Variants in ANKRD44 observed in about 807,000 individuals in gnomAD.
ANKRD44 encodes the protein serine/threonine-protein phosphatase 6 regulatory ankyrin repeat subunit B.
ANKRD44 carries 35 observed loss-of-function variants against 116.0 expected under a neutral mutation model. The observed-to-expected ratio is 0.30, with a 90% confidence interval of 0.23 to 0.40. The LOEUF is 0.40. ANKRD44 is among the 10% of genes least tolerant of loss of function. The pLI, the probability that ANKRD44 is intolerant of heterozygous loss-of-function variation, is 1.00. For missense variants in ANKRD44, 1,014 were observed against 1,242.6 expected (o/e 0.82, Z 2.77); for synonymous variants, 435 against 461.8 (o/e 0.94, Z 0.74).
chr2:197,183,777 A>G (rs951879798), intron 2 of ANKRD44, among the ~76,000 whole-genome samples: 10 of 152,060 alleles, frequency 6.6e-5, no homozygotes, highest in African/African-American at 2.4e-4. Context: ...TTCTTTATCC[A>G]TTCATTCATT....
At chr2:197,225,080 C>T (rs1011677732) in intron 1 of ANKRD44, among the ~76,000 whole-genome samples, 1 of 151,996 alleles carries the variant, frequency 6.6e-6, no homozygotes, top group Non-Finnish European at 1.5e-5. Context: ...AGGGAGATGA[C>T]CTTGAGCTTT....
chr2:197,081,482 T>G (rs1225768301), intron 15 of ANKRD44, among the ~76,000 whole-genome samples, 163 bp downstream of exon 15: 2 of 152,184 alleles, frequency 1.3e-5, no homozygotes, highest in East Asian at 3.8e-4. Context: ...AATTGAAGGC[T>G]GTATTAAAAG....
At chr2:197,269,636 G>A (rs1559203965) in intron 1 of ANKRD44, among the ~76,000 whole-genome samples, 1 of 152,142 alleles carries the variant, frequency 6.6e-6, no homozygotes, top group Non-Finnish European at 1.5e-5. Flanking sequence ...GGCTCTTGGT[G>A]GCATTTCTTT....
intron 16 of ANKRD44, among the ~76,000 whole-genome samples, chr2:197,064,209 T>A (rs1370301929): frequency 6.6e-6 from 1 of 152,140 alleles, no homozygotes; most frequent in African/African-American, 2.4e-5. Context: ...CTAAGCTTCA[T>A]AAGTGAAGGA....
At chr2:197,263,408 T>C (rs774955044) in intron 1 of ANKRD44, 8 of 601,038 alleles carry the variant, frequency 1.3e-5, no homozygotes, top group Admixed American at 2.5e-5. Context: ...AGCCTCATCA[T>C]TGATTATGCC....
Position 197,137,584 on chromosome 2 carries a change from A to G in ANKRD44, c.191-922T>C, listed in dbSNP as rs150270358. On this transcript the variant is annotated intron_variant, in intron 3 of 27. Coordinates refer to ENST00000282272, the MANE Select transcript of ANKRD44 (RefSeq NM_001195144.2). ...AGTTTAAGGCACTGGCTAAAAGTAA[A>G]TAACAAATCATAGAGCTTACACTAT... Among the ~76,000 whole-genome samples the G allele has an allele frequency of 3.5e-4, 53 of 152,360 alleles. No homozygotes were observed. The East Asian group carries it at 9.4e-3, about 27-fold the overall frequency.
chr2:197,124,782 T>G (rs994210886), intron 6 of ANKRD44, among the ~76,000 whole-genome samples: 4 of 152,192 alleles, frequency 2.6e-5, no homozygotes, highest in African/African-American at 4.8e-5. Context: ...CTCTGTGAGA[T>G]CTCTCATTTG....
At chr2:197,172,011 T>C (rs2080249329) in intron 2 of ANKRD44, among the ~76,000 whole-genome samples, 1 of 150,490 alleles carries the variant, frequency 6.6e-6, no homozygotes, top group Admixed American at 6.6e-5. Context: ...TTTTTTTTTT[T>C]TTTTTTGAGA....
intron 16 of ANKRD44, among the ~76,000 whole-genome samples, chr2:197,072,852 C>T (rs1159210057): frequency 6.6e-6 from 1 of 152,090 alleles, no homozygotes; most frequent in East Asian, 1.9e-4. Flanking sequence ...ATACTAGGTC[C>T]GATCTCCTTT....
At chr2:197,143,783 C>T (rs1200842819) in intron 3 of ANKRD44, among the ~76,000 whole-genome samples, 1 of 152,128 alleles carries the variant, frequency 6.6e-6, no homozygotes, top group Non-Finnish European at 1.5e-5. Flanking sequence ...GCACCCACCA[C>T]CACATTCAGC....
chr2:197,113,155 C>G (rs373255446), intron 8 of ANKRD44, among the ~76,000 whole-genome samples: 25 of 152,246 alleles, frequency 1.6e-4, no homozygotes, highest in East Asian at 9.6e-4. Context: ...CTGGAGCAAT[C>G]AAGAGAATGA....
intron 9 of ANKRD44, 130 bp downstream of exon 9, chr2:197,110,636 A>G: frequency 2.6e-6 from 2 of 759,518 alleles, no homozygotes; most frequent in South Asian, 3.1e-5. Context: ...AAGTACATCA[A>G]AGAATTATGT....
At chr2:197,038,532 T>G (rs984525389) in intron 16 of ANKRD44, among the ~76,000 whole-genome samples, 2 of 152,204 alleles carry the variant, frequency 1.3e-5, no homozygotes, top group African/African-American at 4.8e-5. Context: ...ACCCTTGGGT[T>G]GTCTACATTT....
At chr2:197,242,553 G>A (rs1054720559) in intron 1 of ANKRD44, among the ~76,000 whole-genome samples, 6 of 152,214 alleles carry the variant, frequency 3.9e-5, no homozygotes, top group African/African-American at 1.4e-4. Flanking sequence ...ACAATGACTA[G>A]ATTAAACTGG....
chr2:196,991,830 G>A (rs895926485), intron 27 of ANKRD44, among the ~76,000 whole-genome samples: 1 of 151,564 alleles, frequency 6.6e-6, no homozygotes, highest in Non-Finnish European at 1.5e-5. Flanking sequence ...GGGCTCAAGC[G>A]ATCCTCCCAC....
At chr2:197,093,502 T>G (rs1187540585) in intron 10 of ANKRD44, among the ~76,000 whole-genome samples, 1 of 152,168 alleles carries the variant, frequency 6.6e-6, no homozygotes, top group Admixed American at 6.5e-5. Flanking sequence ...TGATATATAT[T>G]TTTTACTCCA....
intron 1 of ANKRD44, among the ~76,000 whole-genome samples, chr2:197,202,580 T>C (rs906134551): frequency 2.0e-5 from 3 of 152,036 alleles, no homozygotes; most frequent in Non-Finnish European, 4.4e-5. Context: ...TTTTTGTTTT[T>C]TGTTTGTTTT....
At chr2:197,263,236 C>A in intron 1 of ANKRD44, 1 of 532,760 alleles carries the variant, frequency 1.9e-6, no homozygotes, top group Admixed American at 2.8e-5. Context: ...AGAACCTCAG[C>A]AGCTTGGTAG....
At chr2:197,233,744 ATT>A (rs1487772143) in intron 1 of ANKRD44, among the ~76,000 whole-genome samples, 3 of 152,246 alleles carry the variant, frequency 2.0e-5, no homozygotes, top group Non-Finnish European at 4.4e-5. Context: ...GCAAGTAAGC[ATT>A]TTAAAACTAC....
Sources: allele counts gnomAD v4.1 joint callset (sites outside exome capture counted in the v4.1 genomes callset), GRCh38; gene constraint gnomAD v4.1.1; transcripts MANE v1.5; gene names NCBI Gene and HGNC (gene_info 2026-07-23, HGNC 2026-07-21).